The following KHDRBS3 variants were observed in gnomAD, a reference collection of about 807,000 sequenced individuals.
KHDRBS3 encodes the protein KH RNA binding domain containing, signal transduction associated 3.
In KHDRBS3, 23 loss-of-function variants were observed where a neutral mutation model predicts 45.6. The observed-to-expected ratio is 0.50, with a 90% CI of 0.36 to 0.72. KHDRBS3 has a LOEUF of 0.72. KHDRBS3 is among the 30% of genes least tolerant of loss of function. KHDRBS3 has a pLI of 0.00. For synonymous variants in KHDRBS3, 162 were observed against 156.5 expected (o/e 1.04, Z -0.26); for missense variants, 352 against 424.8 (o/e 0.83, Z 1.51).
At chr8:135,588,480 C>T (rs943691242) in intron 6 of KHDRBS3, among the ~76,000 whole-genome samples, 10 of 152,038 alleles carry the variant, frequency 6.6e-5, no homozygotes, top group African/African-American at 2.4e-4. Context: ...TGGCCATTAG[C>T]GATTGACTCA....
At chr8:135,589,796 T>G (rs72732379) in intron 6 of KHDRBS3, among the ~76,000 whole-genome samples, 17,600 of 152,228 alleles carry the variant, frequency 0.12, 1,190 homozygotes, top group East Asian at 0.19. Flanking sequence ...TAAGTAAATA[T>G]GCGGAGGATG....
intron 6 of KHDRBS3, among the ~76,000 whole-genome samples, chr8:135,584,574 G>T (rs1421538410): frequency 6.6e-6 from 1 of 152,222 alleles, no homozygotes; most frequent in East Asian, 1.9e-4. Flanking sequence ...CATTTTGTGA[G>T]CTGCCTTGGC....
chr8:135,459,551 G>A (rs982562084), intron 1 of KHDRBS3, among the ~76,000 whole-genome samples: 2 of 152,142 alleles, frequency 1.3e-5, no homozygotes, highest in Non-Finnish European at 2.9e-5. Context: ...TGTCATCTCT[G>A]TGAAAGAAAT....
intron 1 of KHDRBS3, 103 bp downstream of exon 1, chr8:135,458,057 G>A: frequency 7.1e-7 from 1 of 1,412,664 alleles, no homozygotes; most frequent in African/African-American, 1.5e-5. Context: ...CAGCGGACGC[G>A]GCGGAGACGG....
chr8:135,576,270 T>C (rs1040402229), intron 5 of KHDRBS3, among the ~76,000 whole-genome samples: 2 of 152,178 alleles, frequency 1.3e-5, no homozygotes, highest in African/African-American at 4.8e-5. Flanking sequence ...TCTTACTATA[T>C]CCTTTAAAAG....
chr8:135,581,745 T>A, intron 5 of KHDRBS3, 133 bp from the exon 6 acceptor site: 1 of 727,108 alleles, frequency 1.4e-6, no homozygotes, highest in Non-Finnish European at 2.2e-6. Flanking sequence ...CTTTAGTTCT[T>A]TGCTTGTGAC....
chr8:135,557,437 C>T lies in KHDRBS3; in HGVS notation c.472-11C>T. Reference sequence around the variant, plus strand: ...TGAAGTGAATTTTGCTATCTTCTGTCTTTTGTGTAGGATTATAATGATGAG... The same window carrying T: ...TGAAGTGAATTTTGCTATCTTCTGTTTTTTGTGTAGGATTATAATGATGAG... On this transcript the variant is annotated splice_polypyrimidine_tract_variant and intron_variant, in intron 4 of 8. Transcript: ENST00000355849. 6.3e-7 allele frequency: 1 copy of T among 1,575,866 alleles called. No individual in the cohort carries two copies. The highest frequency in any genetic ancestry group is 1.7e-4 in the Middle Eastern group (1 of 5,926).
At chr8:135,625,332 C>T (rs1400418524) in intron 7 of KHDRBS3, 27 of 1,032,850 alleles carry the variant, frequency 2.6e-5, no homozygotes, top group Admixed American at 5.2e-5. Context: ...TATAGCTTTC[C>T]GAAGTAGAAA....
At chr8:135,558,159 A>G (rs1477352297) in intron 5 of KHDRBS3, among the ~76,000 whole-genome samples, 2 of 152,144 alleles carry the variant, frequency 1.3e-5, no homozygotes, top group Non-Finnish European at 2.9e-5. Flanking sequence ...CAGTGCCCAC[A>G]TGCTTGTTGT....
intron 7 of KHDRBS3, among the ~76,000 whole-genome samples, chr8:135,621,923 G>T (rs1043198526): frequency 4.6e-5 from 7 of 151,824 alleles, no homozygotes; most frequent in Admixed American, 3.9e-4. Context: ...ATCAATGAAG[G>T]TGCTCCCCAT....
chr8:135,627,630 C>G (rs543316638), intron 7 of KHDRBS3, among the ~76,000 whole-genome samples: 2 of 152,180 alleles, frequency 1.3e-5, no homozygotes, highest in African/African-American at 4.8e-5. Context: ...AATGTACATA[C>G]AGCAAAGAGC....
chr8:135,553,808 A>T (rs543935050), intron 4 of KHDRBS3, among the ~76,000 whole-genome samples: 1 of 152,310 alleles, frequency 6.6e-6, no homozygotes, highest in South Asian at 2.1e-4. Context: ...TCAAAATTTT[A>T]ATGGCTTTTC....
chr8:135,466,052 C>T (rs1821680565), intron 1 of KHDRBS3, among the ~76,000 whole-genome samples: 1 of 152,152 alleles, frequency 6.6e-6, no homozygotes, highest in Non-Finnish European at 1.5e-5. Flanking sequence ...CACTAGATGG[C>T]GCTCCACATA....
intron 5 of KHDRBS3, among the ~76,000 whole-genome samples, chr8:135,569,930 G>GAAAAAC (rs111279156): frequency 1.3e-5 from 2 of 150,728 alleles, no homozygotes; most frequent in Admixed American, 6.6e-5. Flanking sequence ...TAAGAAGAAA[G>GAAAAAC]AAAAACAAAA....
intron 6 of KHDRBS3, among the ~76,000 whole-genome samples, chr8:135,589,838 T>G (rs1828664429): frequency 6.6e-6 from 1 of 152,208 alleles, no homozygotes; most frequent in Non-Finnish European, 1.5e-5. Flanking sequence ...GCCAACTAAT[T>G]CTGTGTCGTG....
At chr8:135,602,970 A>G (rs1432969839) in intron 6 of KHDRBS3, among the ~76,000 whole-genome samples, 1 of 152,068 alleles carries the variant, frequency 6.6e-6, no homozygotes, top group East Asian at 1.9e-4. Flanking sequence ...CTGTACCTCC[A>G]TTGTTTTTCA....
At chr8:135,469,221 T>G (rs947861452) in intron 1 of KHDRBS3, among the ~76,000 whole-genome samples, 2 of 152,254 alleles carry the variant, frequency 1.3e-5, no homozygotes, top group Non-Finnish European at 2.9e-5. Context: ...AAAAAAGGAT[T>G]TTATTACAGC....
rs999988221 is a variant in KHDRBS3 at position 135,515,132 on chromosome 8, C to T, written c.89-6105C>T. On this transcript the variant is annotated intron_variant, in intron 1 of 8. Transcript: ENST00000355849. ...CTGTAATCCCAGCACTTTGGGAGGC[C>T]GAGGCGGGCGGATCACGAGGTCAGG... Among the ~76,000 whole-genome samples, 9 of 151,696 alleles carry T rather than the reference C, an allele frequency of 5.9e-5. 2 individuals are homozygous for T. The highest frequency in any genetic ancestry group is 4.6e-4 in the Admixed American group (7 of 15,276).
intron 7 of KHDRBS3, chr8:135,625,616 T>C: frequency 1.1e-6 from 1 of 913,638 alleles, no homozygotes; most frequent in Non-Finnish European, 1.8e-6. Flanking sequence ...AGGGTCAGTC[T>C]TTTCCATCAT....
Sources: allele counts gnomAD v4.1 joint callset (sites outside exome capture counted in the v4.1 genomes callset), GRCh38; gene constraint gnomAD v4.1.1; transcripts MANE v1.5; gene names NCBI Gene and HGNC (gene_info 2026-07-23, HGNC 2026-07-21).